Variants in DCTN1 observed in about 807,000 individuals in gnomAD.
DCTN1 encodes the protein 150 kDa dynein-associated polypeptide.
A neutral mutation model predicts 161.2 loss-of-function variants in DCTN1; 61 were observed. The ratio of observed to expected loss-of-function variants is 0.38; its 90% confidence interval spans 0.31 to 0.47. The LOEUF is 0.47. Ranked by LOEUF, DCTN1 falls within the 20% of genes least tolerant of loss-of-function variation. The pLI is 0.99. For missense variants in DCTN1, 1,404 were observed against 1,623.7 expected, an observed-to-expected ratio of 0.86 and a Z score of 2.33; for synonymous variants, 653 against 632.4, an observed-to-expected ratio of 1.03 and a Z score of -0.49.
At position 74,363,371 on chromosome 2, in the gene DCTN1, A is replaced by G; in HGVS notation, c.3268T>C (p.Ser1090Pro). ...GAGATCTGCTGAAGCAGCAGTGGTG[A>G]GTCCTTCACCAGCCCTGGGCCTGGC... The part of the protein sequence containing the change: ...SVPGPGLVKD[S>P]PLLLQQISAM... The change falls in exon 28 of 32, where the codon TCA (serine) becomes CCA (proline). Residue 1090 changes from serine to proline, a missense_variant. Coordinates refer to ENST00000628224, the MANE Select transcript of DCTN1 (RefSeq NM_004082.5). 6.2e-7 allele frequency: 1 copy of G among 1,612,548 alleles called. No individual in the cohort carries two copies. The highest frequency in any genetic ancestry group is 8.5e-7 in the Non-Finnish European group (1 of 1,179,482).
Position 74,361,470 on chromosome 2 carries a change from T to G in DCTN1, c.*29A>C. On this transcript the variant is annotated 3_prime_UTR_variant, in exon 32 of 32. Transcript: ENST00000628224. ...CAGAGCGGCACCAGAGGGCTGAGGGTCGAAGGGGACAGCAGGGGAAAGGAG... is the reference window on the plus strand; with the variant it reads ...CAGAGCGGCACCAGAGGGCTGAGGGGCGAAGGGGACAGCAGGGGAAAGGAG... The G allele has an allele frequency of 6.2e-7, 1 of 1,613,240 alleles. No individual in the cohort carries two copies. The highest frequency in any genetic ancestry group is 8.5e-7 in the Non-Finnish European group (1 of 1,179,874).
rs1644827071 is a variant in DCTN1, at chr2:74,380,127, C to A, written c.-90G>T. 6.9e-7 allele frequency: 1 copy of A among 1,454,678 alleles called. No individual in the cohort carries two copies. Among genetic ancestry groups the A allele is most frequent in the Non-Finnish European group, 9.6e-7 (1 of 1,042,738 alleles). The allele number at this position is 1,454,678 out of a possible 1,614,324, so 90.1% of individuals were successfully genotyped here. ...TAGGCAGGAGGGTCAGGGCGCTGGG[C>A]CCTCATAGAGGGACACAGGAGTCGT... On this transcript the variant is annotated 5_prime_UTR_variant, in exon 1 of 32. Coordinates refer to ENST00000628224, the MANE Select transcript of DCTN1 (RefSeq NM_004082.5).
Position 74,370,356 on chromosome 2 carries a change from G to A in DCTN1, c.1128-11C>T. 1 of 1,614,038 alleles carries A rather than the reference G, an allele frequency of 6.2e-7. No homozygotes were observed. The highest frequency in any genetic ancestry group is 1.1e-5 in the South Asian group (1 of 91,084). On this transcript the variant is annotated splice_polypyrimidine_tract_variant and intron_variant, in intron 11 of 31. Transcript: ENST00000628224. The surrounding 1 kb of genome is among the most constrained non-coding windows in gnomAD (Gnocchi z 4.4). Reference sequence around the variant, plus strand: ...GAAAGATCCCGCATCCTGCAGGGATGTGAGGAAGGCAGAAGGAGGAAAGCA... The same window carrying A: ...GAAAGATCCCGCATCCTGCAGGGATATGAGGAAGGCAGAAGGAGGAAAGCA...
At position 74,378,180 on chromosome 2, in the gene DCTN1, T is replaced by C; in HGVS notation, c.99A>G (p.Val33=). The C allele has an allele frequency of 6.2e-7, 1 of 1,613,872 alleles. No individual in the cohort carries two copies. The highest frequency in any genetic ancestry group is 1.3e-5 in the African/African-American group (1 of 75,068). ...CTCGGTGGCCTTTTCCAATCACCTC[T>C]ACACGGGAGCCCACCCGCAGAGGCC... ...SARPLRVGSR[V]EVIGKGHRGT... The change falls in exon 2 of 32, where the codon GTA becomes GTG. Residue 33 remains valine, a synonymous_variant. Coordinates refer to ENST00000628224, the MANE Select transcript of DCTN1 (RefSeq NM_004082.5).
intron 27 of DCTN1, 85 bp from the exon 28 acceptor site, chr2:74,363,512 T>TC (rs1674178355): frequency 1.3e-6 from 2 of 1,596,768 alleles, no homozygotes; most frequent in Admixed American, 1.7e-5. Flanking sequence ...CCTTTCCTCA[T>TC]CCCCCCATCA....
At chr2:74,385,941 T>C (rs1186358021) in intron 1 of DCTN1, among the ~76,000 whole-genome samples, 1 of 152,204 alleles carries the variant, frequency 6.6e-6, no homozygotes, top group Non-Finnish European at 1.5e-5. Context: ...AATTCTCCTT[T>C]TCTAGGTGAT....
rs1273276905 is a variant in DCTN1 at position 74,373,039 on chromosome 2, C to A, written c.433-91G>T. 6 of 1,240,816 alleles carry A rather than the reference C, an allele frequency of 4.8e-6. No homozygotes were observed. In the East Asian group the frequency reaches 1.2e-4, roughly 24 times the overall value. 76.9% of individuals were successfully genotyped at this position (1,240,816 alleles called of 1,614,324 possible). A position where few individuals can be genotyped will look rare whatever the true frequency, so the allele number is the denominator to read the frequency against. On this transcript the variant is annotated intron_variant, in intron 6 of 31. Coordinates refer to ENST00000628224, the MANE Select transcript of DCTN1 (RefSeq NM_004082.5). ...AGAGCAAAAGGGACAGCAATGAGAG[C>A]AGAAGAAATAACAGGAATGGGGCTA...
intron 23 of DCTN1, 38 bp downstream of exon 23, chr2:74,366,206 C>T (rs1674394972): frequency 6.2e-7 from 1 of 1,613,776 alleles, no homozygotes; most frequent in Non-Finnish European, 8.5e-7. Context: ...CTTACTCCTA[C>T]AGGCCTCTGC....
intron 27 of DCTN1, 87 bp from the exon 28 acceptor site, chr2:74,363,514 CCCCCATCA>C: frequency 6.3e-7 from 1 of 1,596,420 alleles, no homozygotes; most frequent in Admixed American, 1.7e-5. Flanking sequence ...TTTCCTCATC[CCCCCATCA>C]CCCATCTCCA....
At position 74,370,402 on chromosome 2, in the gene DCTN1, T is replaced by C. The variant is rs1466807286; in HGVS notation, c.1128-57A>G. 4 of 1,613,814 alleles carry C rather than the reference T, an allele frequency of 2.5e-6. No individual in the cohort carries two copies. The highest frequency in any genetic ancestry group is 1.3e-5 in the African/African-American group (1 of 74,928). On this transcript the variant is annotated intron_variant, in intron 11 of 31. Coordinates refer to ENST00000628224, the MANE Select transcript of DCTN1 (RefSeq NM_004082.5). This position sits in a 1 kb window ranked among gnomAD's most constrained non-coding sequence, Gnocchi z 4.4. ...AAGCACGTGTCAGAGTCTCTGGCGA[T>C]GGGTGCTCTAACACATTTGGAGACA...
intron 1 of DCTN1, chr2:74,391,391 C>T (rs1401148381): frequency 1.4e-5 from 3 of 216,676 alleles, no homozygotes; most frequent in African/African-American, 2.4e-5. Flanking sequence ...GGATCACACA[C>T]ACAAGTCATA....
rs761071126 is a variant in DCTN1 at position 74,368,834 on chromosome 2, C to T, written c.1748G>A (p.Arg583Gln). 13 of 1,614,152 alleles carry T rather than the reference C, an allele frequency of 8.1e-6. No homozygotes were observed. The highest frequency in any genetic ancestry group is 2.2e-5 in the East Asian group (1 of 44,902). The change falls in exon 16 of 32, where the codon CGA (arginine) becomes CAA (glutamine). Residue 583 changes from arginine to glutamine, a missense_variant. Arg to Gln is a conservative substitution (Grantham distance 43, BLOSUM62 1). Around this residue, in one of 9 missense-constraint regions of DCTN1, gnomAD observed 278 missense variants for 363.8 expected, o/e 0.76. Coordinates refer to ENST00000628224, the MANE Select transcript of DCTN1 (RefSeq NM_004082.5). Reference protein sequence around the residue: ...LRQMEVAQANRHMSLLTAFMP... With the variant: ...LRQMEVAQANQHMSLLTAFMP... ...GAAGGCTGTCAGCAGGGACATGTGT[C>T]GATTGGCCTGGGCCACCTCCATCTG...
intron 5 of DCTN1, among the ~76,000 whole-genome samples, chr2:74,375,228 G>A (rs1384530403): frequency 6.6e-6 from 1 of 152,194 alleles, no homozygotes; most frequent in African/African-American, 2.4e-5. Context: ...TCCCCTGGTT[G>A]TAGACAGGTT....
In DCTN1 at chr2:74,387,411, C is replaced by A. The variant is rs143776356; in HGVS notation, c.-19+4383G>T. Among the ~76,000 whole-genome samples the A allele has an allele frequency of 2.4e-4, 37 of 152,292 alleles. No homozygotes were observed. In the East Asian group the frequency reaches 5.6e-3, roughly 23 times the overall value. On this transcript the variant is annotated intron_variant, in intron 1 of 27. Coordinates refer to the DCTN1 transcript ENST00000409240. ...CCTAGACAGAAACTCTTCTGAACTT[C>A]AGACTCATATCTCACTGTCTGCTAA... is the stretch of plus-strand genomic sequence containing the variant.
upstream of DCTN1, among the ~76,000 whole-genome samples, chr2:74,381,590 G>C (rs914649617): frequency 6.6e-6 from 1 of 152,102 alleles, no homozygotes; most frequent in African/African-American, 2.4e-5. Context: ...TTGCAGCCTG[G>C]ACCTCACATG....
At chr2:74,362,345 C>T (rs2104391243) in intron 30 of DCTN1, among the ~76,000 whole-genome samples, 1 of 152,342 alleles carries the variant, frequency 6.6e-6, no homozygotes, top group East Asian at 1.9e-4. Flanking sequence ...TAAGGCCCAA[C>T]TCACATTCTA....
intron 1 of DCTN1, among the ~76,000 whole-genome samples, chr2:74,388,045 T>TGTG (rs1675821279): frequency 6.6e-6 from 1 of 151,502 alleles, no homozygotes; most frequent in Non-Finnish European, 1.5e-5. Flanking sequence ...ATTAGCTGGG[T>TGTG]GTGGTGGTGG....
rs753748221 is a variant in DCTN1 at position 74,365,881 on chromosome 2, C to T, written c.2886+12G>A. 1 of 1,614,244 alleles carries T rather than the reference C, an allele frequency of 6.2e-7. No individual in the cohort carries two copies. Among genetic ancestry groups the T allele is most frequent in the South Asian group, 1.1e-5 (1 of 91,084 alleles). Reference sequence around the variant, plus strand: ...TCCTGGCCCCCAGATCCTGAGCCTACACTACCCTCACCTTAATCTTGAGTG... The same window carrying T: ...TCCTGGCCCCCAGATCCTGAGCCTATACTACCCTCACCTTAATCTTGAGTG... On this transcript the variant is annotated intron_variant, in intron 24 of 31. Coordinates refer to ENST00000628224, the MANE Select transcript of DCTN1 (RefSeq NM_004082.5).
At chr2:74,365,761 C>G in intron 24 of DCTN1, 104 bp from the exon 25 acceptor site, 1 of 1,610,670 alleles carries the variant, frequency 6.2e-7, no homozygotes, top group Non-Finnish European at 8.5e-7. Context: ...CTCACCACAG[C>G]TCCCATTGAT....
Sources: allele counts gnomAD v4.1 joint callset (sites outside exome capture counted in the v4.1 genomes callset), GRCh38; gene constraint gnomAD v4.1.1; regional missense constraint gnomAD v4.1.1; non-coding constraint Gnocchi (gnomAD v3.1); transcripts MANE v1.5; gene names NCBI Gene and HGNC (gene_info 2026-07-23, HGNC 2026-07-21).